Variants in PRPF38A observed in about 807,000 individuals in gnomAD.
PRPF38A encodes pre-mRNA-splicing factor 38A.
In PRPF38A, 11 loss-of-function variants were observed where a neutral mutation model predicts 46.8. The ratio of observed to expected loss-of-function variants is 0.24; its 90% CI spans 0.15 to 0.39. The LOEUF (loss-of-function observed/expected upper bound fraction) is 0.39. PRPF38A is among the 10% of genes least tolerant of loss of function. PRPF38A has a pLI of 1.00. For synonymous variants in PRPF38A, 124 were observed against 136.2 expected, an observed-to-expected ratio of 0.91 and a Z score of 0.62; for missense variants, 261 against 407.5, an observed-to-expected ratio of 0.64 and a Z score of 3.10.
chr1:52,416,466 G>A (rs1039479017), intron 9 of PRPF38A, among the ~76,000 whole-genome samples, 182 bp from the exon 10 acceptor site: 5 of 152,096 alleles, frequency 3.3e-5, no homozygotes, highest in Middle Eastern at 3.4e-3. Flanking sequence ...CCGCCGCCAT[G>A]CTCGGCTAAT....
chr1:52,416,772 G>T lies in PRPF38A; in HGVS notation c.*82G>T. The T allele has an allele frequency of 9.5e-7, 1 of 1,047,240 alleles. No individual in the cohort carries two copies. Among genetic ancestry groups the T allele is most frequent in the Non-Finnish European group, 1.5e-6 (1 of 669,000 alleles). The allele number at this position is 1,047,240 out of a possible 1,614,324, so 64.9% of individuals were successfully genotyped here. On this transcript the variant is annotated 3_prime_UTR_variant, in exon 10 of 10. Transcript: ENST00000257181. ...TGTGGAAGGATTAAGATCTCCCCCAGGCAGCTATAAGAATATTTTAGTTTT... is the reference window on the plus strand; with the variant it reads ...TGTGGAAGGATTAAGATCTCCCCCATGCAGCTATAAGAATATTTTAGTTTT...
chr1:52,407,758 T>C (rs1648038974), intron 2 of PRPF38A, among the ~76,000 whole-genome samples: 1 of 152,068 alleles, frequency 6.6e-6, no homozygotes. Flanking sequence ...CCGTCTCTAC[T>C]AAAAATACAA....
At chr1:52,413,856 T>C in intron 5 of PRPF38A, 23 bp from the exon 6 acceptor site, 2 of 1,492,596 alleles carry the variant, frequency 1.3e-6, no homozygotes, top group African/African-American at 1.4e-5. Context: ...TGCCTTTCAA[T>C]GACCCAATCA....
chr1:52,417,558 T>G lies in PRPF38A; in HGVS notation c.*868T>G, dbSNP rs376446025. On this transcript the variant is annotated 3_prime_UTR_variant, in exon 10 of 10. Transcript: ENST00000257181. Reference sequence around the variant, plus strand: ...TTTAGAGGGGCAGAGAATTAGAGGATGGTGGTAGTAATGAAAATGATGCAT... The same window carrying G: ...TTTAGAGGGGCAGAGAATTAGAGGAGGGTGGTAGTAATGAAAATGATGCAT... 25 of 152,252 alleles carry G rather than the reference T, an allele frequency of 1.6e-4. No individual in the cohort carries two copies. Among genetic ancestry groups the G allele is most frequent in the East Asian group, 1.4e-3 (7 of 5,184 alleles). 9.4% of individuals were successfully genotyped at this position (152,252 alleles called of 1,614,324 possible).
At chr1:52,411,461 G>C (rs1174055636) in intron 4 of PRPF38A, among the ~76,000 whole-genome samples, 3 of 152,194 alleles carry the variant, frequency 2.0e-5, no homozygotes, top group Non-Finnish European at 4.4e-5. Context: ...TAGTTCAGGT[G>C]CATGTGTGAG....
At chr1:52,414,946 GACTGTACTGCCTA>G in intron 8 of PRPF38A, 87 bp downstream of exon 8, 1 of 1,196,986 alleles carries the variant, frequency 8.4e-7, no homozygotes, top group Non-Finnish European at 1.2e-6. Flanking sequence ...AGGAGTGCCT[GACTGTACTGCCTA>G]ACAGAAAAGC....
rs1648369756 is a variant in PRPF38A at position 52,419,063 on chromosome 1, A to T, written c.*2373A>T. Reference sequence around the variant, plus strand: ...ATGTGTTCCAAGGGGCAAAAGAAATAATGCATTTTTGGCCAGGTGCGGTGG... The same window carrying T: ...ATGTGTTCCAAGGGGCAAAAGAAATTATGCATTTTTGGCCAGGTGCGGTGG... On this transcript the variant is annotated 3_prime_UTR_variant, in exon 10 of 10. Transcript: ENST00000257181. 1 of 152,406 alleles carries T rather than the reference A, an allele frequency of 6.6e-6. No homozygotes were observed. Among genetic ancestry groups the T allele is most frequent in the East Asian group, 1.9e-4 (1 of 5,194 alleles). 9.4% of individuals were successfully genotyped at this position (152,406 alleles called of 1,614,324 possible).
rs1648324221 is a variant in PRPF38A, at chr1:52,417,457, A to G, written c.*767A>G. 1 of 152,224 alleles carries G rather than the reference A, an allele frequency of 6.6e-6. No homozygotes were observed. Among genetic ancestry groups the G allele is most frequent in the South Asian group, 2.1e-4 (1 of 4,834 alleles). The allele number at this position is 152,224 out of a possible 1,614,324, so 9.4% of individuals were successfully genotyped here. ...GATGGAGAGGAAAGTATCTAATATT[A>G]GTCATGGTTTTGACCTAAATTGCTA... On this transcript the variant is annotated 3_prime_UTR_variant, in exon 10 of 10. Coordinates refer to ENST00000257181, the MANE Select transcript of PRPF38A (RefSeq NM_032864.4).
intron 2 of PRPF38A, among the ~76,000 whole-genome samples, chr1:52,406,089 A>G (rs1647982326): frequency 6.6e-6 from 1 of 152,140 alleles, no homozygotes; most frequent in Non-Finnish European, 1.5e-5. Flanking sequence ...CCTGGGTTCA[A>G]GTGATTCTCC....
rs370834974 is a variant in PRPF38A at position 52,416,716 on chromosome 1, A to G, written c.*26A>G. 4 of 1,561,368 alleles carry G rather than the reference A, an allele frequency of 2.6e-6. No homozygotes were observed. Among genetic ancestry groups the G allele is most frequent in the African/African-American group, 1.4e-5 (1 of 73,910 alleles). ...TGGACTCAGTTTGGTTTTAGTCCAC[A>G]TGGCCTCCTGTGGATATAAGGATAT... is the stretch of plus-strand genomic sequence containing the variant. On this transcript the variant is annotated 3_prime_UTR_variant, in exon 10 of 10. Coordinates refer to ENST00000257181, the MANE Select transcript of PRPF38A (RefSeq NM_032864.4).
Position 52,416,773 on chromosome 1 carries a change from G to A in PRPF38A, c.*83G>A, listed in dbSNP as rs760473294. The A allele has an allele frequency of 2.9e-6, 3 of 1,028,274 alleles. No individual in the cohort carries two copies. The highest frequency in any genetic ancestry group is 4.6e-6 in the Non-Finnish European group (3 of 654,606). 63.7% of individuals were successfully genotyped at this position (1,028,274 alleles called of 1,614,324 possible). A position where few individuals can be genotyped will look rare whatever the true frequency, so the allele number is the denominator to read the frequency against. ...GTGGAAGGATTAAGATCTCCCCCAGGCAGCTATAAGAATATTTTAGTTTTT... is the reference window on the plus strand; with the variant it reads ...GTGGAAGGATTAAGATCTCCCCCAGACAGCTATAAGAATATTTTAGTTTTT... On this transcript the variant is annotated 3_prime_UTR_variant, in exon 10 of 10. Transcript: ENST00000257181.
chr1:52,408,436 A>T, intron 2 of PRPF38A, 133 bp from the exon 3 acceptor site: 2 of 1,184,576 alleles, frequency 1.7e-6, no homozygotes, highest in Non-Finnish European at 2.5e-6. Flanking sequence ...GCTGCATTCT[A>T]CCTCCACAAT....
Position 52,419,473 on chromosome 1 carries a change from G to T in PRPF38A, c.*2783G>T, listed in dbSNP as rs547874419. On this transcript the variant is annotated 3_prime_UTR_variant, in exon 10 of 10. Coordinates refer to ENST00000257181, the MANE Select transcript of PRPF38A (RefSeq NM_032864.4). ...CCTGTTTGTTATTCTTCAGTAGACC[G>T]AAGTTTAAATAAGCATTATTTAGAA... The T allele has an allele frequency of 9.2e-5, 14 of 151,648 alleles. No homozygotes were observed. The highest frequency in any genetic ancestry group is 3.4e-4 in the African/African-American group (14 of 41,280). The allele number at this position is 151,648 out of a possible 1,614,324, so 9.4% of individuals were successfully genotyped here.
At chr1:52,415,274 T>C in intron 8 of PRPF38A, 64 bp from the exon 9 acceptor site, 2 of 1,523,232 alleles carry the variant, frequency 1.3e-6, no homozygotes. Flanking sequence ...TTAGGGGAGG[T>C]GAGAATGACA....
rs71041898 is a variant in PRPF38A, at chr1:52,415,832, C to CTTTT, written c.896+471_896+474dup. 3.4e-3 allele frequency among the ~76,000 whole-genome samples: 177 copies of CTTTT among 51,610 alleles called. 43 individuals carry two copies. Among genetic ancestry groups the CTTTT allele is most frequent in the African/African-American group, 0.015 (162 of 10,888 alleles). 33.9% of individuals were successfully genotyped at this position (51,610 alleles called of 152,430 possible). A position where few individuals can be genotyped will look rare whatever the true frequency, so the allele number is the denominator to read the frequency against. On this transcript the variant is annotated intron_variant, in intron 9 of 9. Coordinates refer to ENST00000257181, the MANE Select transcript of PRPF38A (RefSeq NM_032864.4). ...TGTGCCATATACCGTTGGGTGCACT[C>CTTTT]TTTTTTTTTTTTTTTTTTTTTTTTT...
chr1:52,414,959 A>T, intron 8 of PRPF38A, 100 bp downstream of exon 8: 1 of 1,034,682 alleles, frequency 9.7e-7, no homozygotes, highest in Middle Eastern at 2.1e-4. Flanking sequence ...TGTACTGCCT[A>T]ACAGAAAAGC....
chr1:52,417,934 T>G lies in PRPF38A; in HGVS notation c.*1244T>G, dbSNP rs1203401623. 1 of 152,564 alleles carries G rather than the reference T, an allele frequency of 6.6e-6. No individual in the cohort carries two copies. Among genetic ancestry groups the G allele is most frequent in the Non-Finnish European group, 1.5e-5 (1 of 68,026 alleles). The allele number at this position is 152,564 out of a possible 1,614,324, so 9.5% of individuals were successfully genotyped here. A position where few individuals can be genotyped will look rare whatever the true frequency, so the allele number is the denominator to read the frequency against. On this transcript the variant is annotated 3_prime_UTR_variant, in exon 10 of 10. Coordinates refer to ENST00000257181, the MANE Select transcript of PRPF38A (RefSeq NM_032864.4). Reference sequence around the variant, plus strand: ...AAAAAGCCTCCACGGACATCGATAATCAAGAGATTATTAAGATCTTTGCTA... The same window carrying G: ...AAAAAGCCTCCACGGACATCGATAAGCAAGAGATTATTAAGATCTTTGCTA...
At chr1:52,408,904 C>T in intron 3 of PRPF38A, 1 of 467,470 alleles carries the variant, frequency 2.1e-6, no homozygotes, top group Non-Finnish European at 3.8e-6. Flanking sequence ...TGTCTGTCTC[C>T]CTTTCCAAGT....
Position 52,419,497 on chromosome 1 carries a change from A to G in PRPF38A, c.*2807A>G, listed in dbSNP as rs1648407285. On this transcript the variant is annotated 3_prime_UTR_variant, in exon 10 of 10. Coordinates refer to ENST00000257181, the MANE Select transcript of PRPF38A (RefSeq NM_032864.4). ...CGAAGTTTAAATAAGCATTATTTAG[A>G]AAAGAACGATCACAGATTGCCCACT... 6.6e-6 allele frequency: 1 copy of G among 152,178 alleles called. No individual in the cohort carries two copies. The highest frequency in any genetic ancestry group is 1.5e-5 in the Non-Finnish European group (1 of 68,032). The allele number at this position is 152,178 out of a possible 1,614,324, so 9.4% of individuals were successfully genotyped here.
Sources: allele counts gnomAD v4.1 joint callset (sites outside exome capture counted in the v4.1 genomes callset), GRCh38; gene constraint gnomAD v4.1.1; transcripts MANE v1.5; gene names NCBI Gene and HGNC (gene_info 2026-07-23, HGNC 2026-07-21).